Variants in PBRM1 observed in about 807,000 individuals in gnomAD.
PBRM1 encodes the protein polybromo 1.
PBRM1 carries 27 observed loss-of-function variants against 194.5 expected under a neutral mutation model. That is an observed-to-expected ratio of 0.14 (90% CI 0.10 to 0.19). The LOEUF (loss-of-function observed/expected upper bound fraction) is 0.19, where lower values mean the gene tolerates loss of function less well. PBRM1 is among the 10% of genes least tolerant of loss of function. The pLI is 1.00. For synonymous variants in PBRM1, 655 were observed against 693.2 expected (o/e 0.94, Z 0.87); for missense variants, 1,466 against 2,077.2 (o/e 0.71, Z 5.72).
rs1016078630 is a variant in PBRM1, at chr3:52,586,826, C to T, written c.3124-138G>A. 3.8e-5 allele frequency: 24 copies of T among 629,882 alleles called. No homozygotes were observed. The Admixed American group carries it at 4.8e-4, about 13-fold the overall frequency. The allele number at this position is 629,882 out of a possible 1,614,324, so 39.0% of individuals were successfully genotyped here. A position where few individuals can be genotyped will look rare whatever the true frequency, so the allele number is the denominator to read the frequency against. ...TGATTACAGACTTTCTGGCAGTTAACAAAAAATAATAAATGACCAGAGATT... is the reference window on the plus strand; with the variant it reads ...TGATTACAGACTTTCTGGCAGTTAATAAAAAATAATAAATGACCAGAGATT... On this transcript the variant is annotated intron_variant, in intron 19 of 29. Coordinates refer to ENST00000296302, the Ensembl canonical transcript of PBRM1.
chr3:52,680,043 T>A (rs978321445), upstream of PBRM1, among the ~76,000 whole-genome samples: 8 of 152,144 alleles, frequency 5.3e-5, no homozygotes, highest in Non-Finnish European at 1.2e-4. Context: ...TATGTAGCAG[T>A]ACATTAGTGT....
chr3:52,627,053 A>G (rs1577020855), intron 13 of PBRM1, among the ~76,000 whole-genome samples: 1 of 152,096 alleles, frequency 6.6e-6, no homozygotes. Context: ...GCCAAGCTAC[A>G]TATGTAGTAG....
chr3:52,584,450 CTTTTTTTTT>C (rs397989611), intron 20 of PBRM1, among the ~76,000 whole-genome samples: 10 of 60,752 alleles, frequency 1.6e-4, no homozygotes, highest in African/African-American at 6.2e-4. Context: ...AGTATTCTTG[CTTTTTTTTT>C]TTTTTTTTTT....
chr3:52,636,813 C>T (rs2095838953), intron 10 of PBRM1, among the ~76,000 whole-genome samples: 2 of 124,290 alleles, frequency 1.6e-5, no homozygotes, highest in East Asian at 2.6e-4. Flanking sequence ...GGCGCAGTGA[C>T]TCACACTTGT....
At chr3:52,575,758 C>T (rs2089399407) in intron 22 of PBRM1, among the ~76,000 whole-genome samples, 1 of 150,844 alleles carries the variant, frequency 6.6e-6, no homozygotes. Flanking sequence ...AGGTGATCCA[C>T]CCGCCTCGGC....
Position 52,575,226 on chromosome 3 carries a change from C to CCAAACAAACAAA in PBRM1, c.3691+1303_3691+1314dup, listed in dbSNP as rs71084192. On this transcript the variant is annotated intron_variant, in intron 22 of 29. Transcript: ENST00000296302. Reference sequence around the variant, plus strand: ...CCAAAAATACAATCTTTAAAACAAACCAAACAAACAAACAAACAAACAAAC... The same window carrying CCAAACAAACAAA: ...CCAAAAATACAATCTTTAAAACAAACCAAACAAACAAACAAACAAACAAACAAACAAACAAAC... 6.8e-3 allele frequency among the ~76,000 whole-genome samples: 1,023 copies of CCAAACAAACAAA among 151,062 alleles called. 4 individuals are homozygous for CCAAACAAACAAA. The highest frequency in any genetic ancestry group is 0.014 in the Middle Eastern group (4 of 288).
chr3:52,621,980 C>T (rs571500907), intron 13 of PBRM1, among the ~76,000 whole-genome samples: 3 of 152,176 alleles, frequency 2.0e-5, no homozygotes, highest in South Asian at 2.1e-4. Context: ...CAGAAGATCA[C>T]GGCTGCAGTG....
chr3:52,680,220 A>G (rs1301819751), upstream of PBRM1, among the ~76,000 whole-genome samples: 1 of 152,234 alleles, frequency 6.6e-6, no homozygotes, highest in Non-Finnish European at 1.5e-5. Context: ...CAAGAAGCAG[A>G]GCCCAGGACA....
chr3:52,596,764 A>G (rs1211609327), intron 17 of PBRM1, among the ~76,000 whole-genome samples: 1 of 151,926 alleles, frequency 6.6e-6, no homozygotes, highest in East Asian at 1.9e-4. Flanking sequence ...CCTCAAGTGG[A>G]GGAAGATGAC....
intron 3 of PBRM1, among the ~76,000 whole-genome samples, chr3:52,664,933 T>TTAC (rs2096801166): frequency 6.6e-6 from 1 of 152,054 alleles, no homozygotes; most frequent in South Asian, 2.1e-4. Context: ...TTATGAAGCA[T>TTAC]TACTACTCGC....
rs150686603 is a variant in PBRM1, at chr3:52,638,938, C to T, written c.1087+3016G>A. On this transcript the variant is annotated intron_variant, in intron 10 of 29. Coordinates refer to ENST00000296302, the Ensembl canonical transcript of PBRM1. Reference sequence around the variant, plus strand: ...GGTGCTTATTTTCTAGAAATCTGGTCATCTAAATTTTTAAATATATTTGCA... The same window carrying T: ...GGTGCTTATTTTCTAGAAATCTGGTTATCTAAATTTTTAAATATATTTGCA... Among the ~76,000 whole-genome samples the T allele has an allele frequency of 7.0e-4, 87 of 124,932 alleles. 4 individuals carry two copies. In the East Asian group the frequency reaches 0.015, roughly 21 times the overall value. The allele number at this position is 124,932 out of a possible 152,430, so 82.0% of individuals were successfully genotyped here.
chr3:52,677,408 C>CTTT lies in PBRM1; in HGVS notation c.236+1089_236+1091dup, dbSNP rs71087007. Among the ~76,000 whole-genome samples, 11 of 110,828 alleles carry CTTT rather than the reference C, an allele frequency of 9.9e-5. 1 individual carries two copies. The highest frequency in any genetic ancestry group is 2.3e-4 in the African/African-American group (5 of 22,088). The allele number at this position is 110,828 out of a possible 152,430, so 72.7% of individuals were successfully genotyped here. The stretch of plus-strand genomic sequence containing the variant: ...ACAGGCGCCCCACCACCATGCTCGG[C>CTTT]TTTTTTTTTTTTTTTTTTTTTGAGA... On this transcript the variant is annotated intron_variant, in intron 2 of 29. Transcript: ENST00000296302.
At chr3:52,547,244 C>T, downstream of PBRM1, 1 of 233,076 alleles carries the variant, frequency 4.3e-6, no homozygotes, top group South Asian at 1.8e-4. Context: ...CTTAAACGTA[C>T]CTGCCTAGAT....
rs533183671 is a variant in PBRM1 at position 52,664,077 on chromosome 3, T to C, written c.385-1801A>G. ...TCCGTCTCAAAAAAAAAAAAAAAAG[T>C]TGGGCACGGTGGCGCACACCTGTAG... On this transcript the variant is annotated intron_variant, in intron 3 of 29. Transcript: ENST00000296302. 2.9e-4 allele frequency among the ~76,000 whole-genome samples: 41 copies of C among 142,002 alleles called. No individual in the cohort carries two copies. In the East Asian group the frequency reaches 8.0e-3, roughly 28 times the overall value. The allele number at this position is 142,002 out of a possible 152,430, so 93.2% of individuals were successfully genotyped here.
intron 2 of PBRM1, among the ~76,000 whole-genome samples, chr3:52,671,117 C>T (rs939055296): frequency 6.6e-6 from 1 of 152,188 alleles, no homozygotes; most frequent in Non-Finnish European, 1.5e-5. Flanking sequence ...CTTCACAGAA[C>T]AGGACTTTTA....
chr3:52,664,499 G>A (rs1480015146), intron 3 of PBRM1, among the ~76,000 whole-genome samples: 1 of 151,760 alleles, frequency 6.6e-6, no homozygotes, highest in African/African-American at 2.4e-5. Flanking sequence ...ACTTTGGGAG[G>A]CTGAGGCGAG....
At chr3:52,566,043 C>T (rs1033410579) in intron 22 of PBRM1, among the ~76,000 whole-genome samples, 2 of 144,916 alleles carry the variant, frequency 1.4e-5, no homozygotes, top group African/African-American at 2.5e-5. Flanking sequence ...GAGCGAGACT[C>T]TGTCTCAAAA....
intron 29 of PBRM1, among the ~76,000 whole-genome samples, chr3:52,548,521 G>C (rs1316465563): frequency 6.6e-6 from 1 of 151,720 alleles, no homozygotes; most frequent in Non-Finnish European, 1.5e-5. Flanking sequence ...CTACCTCCTG[G>C]GTTCAAGCGA....
intron 17 of PBRM1, among the ~76,000 whole-genome samples, chr3:52,601,405 C>T (rs1227800643): frequency 1.3e-5 from 2 of 152,160 alleles, no homozygotes; most frequent in African/African-American, 4.8e-5. Context: ...GATCATCAGG[C>T]ATTAAGAGTT....
Sources: allele counts gnomAD v4.1 joint callset (sites outside exome capture counted in the v4.1 genomes callset), GRCh38; gene constraint gnomAD v4.1.1; transcripts MANE v1.5; gene names NCBI Gene and HGNC (gene_info 2026-07-23, HGNC 2026-07-21).